The following STK32B variants were observed in gnomAD, a reference collection of about 807,000 sequenced individuals.
The protein encoded by STK32B is serine/threonine kinase 32B.
In STK32B, 43 loss-of-function variants were observed where a neutral mutation model predicts 52.6. The observed-to-expected ratio is 0.82, with a 90% CI of 0.64 to 1.05. The LOEUF (loss-of-function observed/expected upper bound fraction) is 1.05. STK32B is among the 50% of genes least tolerant of loss of function. The probability of loss-of-function intolerance (pLI) is 0.00; values close to 1 mark genes in which losing one functional copy is unlikely to be tolerated. For synonymous variants in STK32B, 238 were observed against 204.3 expected (o/e 1.17, Z -1.41); for missense variants, 621 against 534.6 (o/e 1.16, Z -1.59).
At chr4:5,435,054 A>G (rs539399428) in intron 6 of STK32B, among the ~76,000 whole-genome samples, 1 of 152,212 alleles carries the variant, frequency 6.6e-6, no homozygotes, top group South Asian at 2.1e-4. Context: ...TGCTTCAAGG[A>G]TGGGAAGACT....
chr4:5,480,432 G>A (rs1718596568), intron 11 of STK32B, among the ~76,000 whole-genome samples: 2 of 152,132 alleles, frequency 1.3e-5, no homozygotes, highest in African/African-American at 4.8e-5. Context: ...AGAAAGGCAG[G>A]ACAACTCAAA....
chr4:5,186,775 C>A (rs556046057), intron 3 of STK32B, among the ~76,000 whole-genome samples: 59 of 152,320 alleles, frequency 3.9e-4, no homozygotes, highest in Non-Finnish European at 7.6e-4. Context: ...AGAGGCGAGG[C>A]TCTCCTATCT....
intron 2 of STK32B, among the ~76,000 whole-genome samples, chr4:5,158,613 G>A (rs1718058703): frequency 6.6e-6 from 1 of 152,196 alleles, no homozygotes; most frequent in South Asian, 2.1e-4. Flanking sequence ...ACAAAGCACT[G>A]CAGAGTTGGG....
In STK32B at chr4:5,499,265, C is replaced by A; in HGVS notation, c.*182C>A. ...ATCTCCATGACTGATTCACGTGTGA[C>A]CTCAGACAAGTCACGCCCTCTCTGT... On this transcript the variant is annotated 3_prime_UTR_variant, in exon 12 of 12. Coordinates refer to ENST00000282908, the MANE Select transcript of STK32B (RefSeq NM_018401.3). 1.3e-6 allele frequency: 1 copy of A among 771,234 alleles called. No individual in the cohort carries two copies. Among genetic ancestry groups the A allele is most frequent in the Non-Finnish European group, 1.9e-6 (1 of 539,480 alleles). 47.8% of individuals were successfully genotyped at this position (771,234 alleles called of 1,614,324 possible). A position where few individuals can be genotyped will look rare whatever the true frequency, so the allele number is the denominator to read the frequency against.
intron 2 of STK32B, among the ~76,000 whole-genome samples, chr4:5,151,924 G>C (rs1717400110): frequency 6.6e-6 from 1 of 152,128 alleles, no homozygotes; most frequent in Non-Finnish European, 1.5e-5. Flanking sequence ...CCCTCCTCAT[G>C]TCACTGTGGT....
rs1191643714 is a variant in STK32B at position 5,469,008 on chromosome 4, CA to C, written c.1106+939del. 1.1e-4 allele frequency among the ~76,000 whole-genome samples: 16 copies of C among 149,626 alleles called. No individual in the cohort carries two copies. The highest frequency in any genetic ancestry group is 2.0e-4 in the Admixed American group (3 of 15,036). On this transcript the variant is annotated intron_variant, in intron 11 of 11. Coordinates refer to ENST00000282908, the MANE Select transcript of STK32B (RefSeq NM_018401.3). This position sits in a 1 kb window ranked among gnomAD's most constrained non-coding sequence, Gnocchi z 4.7. Reference sequence around the variant, plus strand: ...GAGCTTGCAGTGAGCCGAGATCGCGCACACTGCACTCCAGCCTGGGCGACAG... The same window carrying C: ...GAGCTTGCAGTGAGCCGAGATCGCGCCACTGCACTCCAGCCTGGGCGACAG...
chr4:5,111,775 G>A (rs1036648119), intron 1 of STK32B, among the ~76,000 whole-genome samples: 3 of 152,064 alleles, frequency 2.0e-5, no homozygotes, highest in Admixed American at 6.5e-5. Context: ...AGAAAACGAT[G>A]TGTATGGACC....
intron 1 of STK32B, among the ~76,000 whole-genome samples, chr4:5,139,171 A>G (rs1716253659): frequency 6.6e-6 from 1 of 152,118 alleles, no homozygotes; most frequent in African/African-American, 2.4e-5. Flanking sequence ...GAGCTACCTG[A>G]TGAAAGACCG....
intron 3 of STK32B, among the ~76,000 whole-genome samples, chr4:5,289,140 C>A (rs1187384571): frequency 6.6e-6 from 1 of 152,092 alleles, no homozygotes; most frequent in Non-Finnish European, 1.5e-5. Flanking sequence ...TATGGTATAA[C>A]CTATTACTTC....
intron 3 of STK32B, among the ~76,000 whole-genome samples, chr4:5,228,250 T>C (rs778618795): frequency 7.2e-5 from 11 of 152,168 alleles, no homozygotes; most frequent in African/African-American, 1.2e-4. Context: ...ACTTGTCCAT[T>C]TGTAAGACAA....
At chr4:5,126,403 C>A (rs1352769295) in intron 1 of STK32B, among the ~76,000 whole-genome samples, 1 of 152,206 alleles carries the variant, frequency 6.6e-6, no homozygotes, top group African/African-American at 2.4e-5. Flanking sequence ...GCCAGCCCTG[C>A]TGAGCGTGGC....
intron 3 of STK32B, among the ~76,000 whole-genome samples, chr4:5,268,476 C>T (rs552112375): frequency 4.0e-5 from 6 of 151,800 alleles, no homozygotes; most frequent in Admixed American, 2.6e-4. Flanking sequence ...GCTGTTTTCC[C>T]GTCTCCTTTG....
At chr4:5,130,047 A>G (rs78005339) in intron 1 of STK32B, among the ~76,000 whole-genome samples, 21,575 of 152,012 alleles carry the variant, frequency 0.14, 1,875 homozygotes, top group Admixed American at 0.25. Flanking sequence ...GACAACAAAT[A>G]TTTCTGATCA....
chr4:5,065,009 T>C (rs1255390955), intron 1 of STK32B, among the ~76,000 whole-genome samples: 1 of 151,770 alleles, frequency 6.6e-6, no homozygotes, highest in African/African-American at 2.4e-5. Context: ...TCCTTCTCCT[T>C]CTTCTTTGCA....
chr4:5,419,116 G>C (rs1712409919), intron 6 of STK32B, among the ~76,000 whole-genome samples: 1 of 152,164 alleles, frequency 6.6e-6, no homozygotes, highest in South Asian at 2.1e-4. Context: ...CAGCTGAGGG[G>C]CCTCCAGCAA....
At chr4:5,181,075 G>A (rs1051015729) in intron 3 of STK32B, among the ~76,000 whole-genome samples, 2 of 152,146 alleles carry the variant, frequency 1.3e-5, no homozygotes, top group African/African-American at 2.4e-5. Context: ...AAAGCAGCAT[G>A]AGTGTTTCAA....
chr4:5,090,872 A>T (rs559746792), intron 1 of STK32B, among the ~76,000 whole-genome samples: 2 of 152,316 alleles, frequency 1.3e-5, no homozygotes, highest in Non-Finnish European at 2.9e-5. Context: ...CTATTGGTCT[A>T]TATGAAATGG....
At chr4:5,304,316 G>A (rs1729771912) in intron 3 of STK32B, among the ~76,000 whole-genome samples, 2 of 151,962 alleles carry the variant, frequency 1.3e-5, no homozygotes, top group South Asian at 4.1e-4. Context: ...ATGAGCATGG[G>A]ATGTGTTTCC....
At chr4:5,360,460 C>T (rs952894533) in intron 4 of STK32B, among the ~76,000 whole-genome samples, 1 of 152,116 alleles carries the variant, frequency 6.6e-6, no homozygotes, top group Non-Finnish European at 1.5e-5. Flanking sequence ...GGAGGGAGTG[C>T]AGGTGAGATC....
Sources: allele counts gnomAD v4.1 joint callset (sites outside exome capture counted in the v4.1 genomes callset), GRCh38; gene constraint gnomAD v4.1.1; non-coding constraint Gnocchi (gnomAD v3.1); transcripts MANE v1.5; gene names NCBI Gene and HGNC (gene_info 2026-07-23, HGNC 2026-07-21).